The following PIP4K2A variants were observed in gnomAD, a reference collection of about 807,000 sequenced individuals.
PIP4K2A encodes phosphatidylinositol-5-phosphate 4-kinase type 2 alpha.
In PIP4K2A, 14 loss-of-function variants were observed where a neutral mutation model predicts 42.9. The ratio of observed to expected loss-of-function variants is 0.33; its 90% confidence interval spans 0.22 to 0.51. The LOEUF (loss-of-function observed/expected upper bound fraction) is 0.51, where lower values mean the gene tolerates loss of function less well. PIP4K2A is among the 20% of genes least tolerant of loss of function. PIP4K2A has a pLI of 0.97. For synonymous variants in PIP4K2A, 192 were observed against 192.2 expected (o/e 1.00, Z 0.01); for missense variants, 434 against 519.8 (o/e 0.83, Z 1.61).
chr10:22,609,497 G>C, intron 2 of PIP4K2A, 123 bp downstream of exon 2: 1 of 675,556 alleles, frequency 1.5e-6, no homozygotes, highest in Non-Finnish European at 2.7e-6. Flanking sequence ...GTTTATCACA[G>C]GATTAACTTC....
Position 22,535,814 on chromosome 10 carries a change from A to C in PIP4K2A, c.*1387T>G, listed in dbSNP as rs1014997923. Reference sequence around the variant, plus strand: ...CAATCAGCACAGTTTAGGGCAATGAACTTTCATAAACCAGACTGGGGCGAA... The same window carrying C: ...CAATCAGCACAGTTTAGGGCAATGACCTTTCATAAACCAGACTGGGGCGAA... On this transcript the variant is annotated 3_prime_UTR_variant, in exon 10 of 10. Transcript: ENST00000376573. 3.5e-6 allele frequency: 1 copy of C among 289,420 alleles called. No individual in the cohort carries two copies. Among genetic ancestry groups the C allele is most frequent in the African/African-American group, 2.1e-5 (1 of 46,764 alleles). 17.9% of individuals were successfully genotyped at this position (289,420 alleles called of 1,614,324 possible).
At position 22,569,273 on chromosome 10, in the gene PIP4K2A, G is replaced by A. The variant is rs561452838; in HGVS notation, c.640-1384C>T. ...CCCAGGACTGGAAGATCCGAGGGAC[G>A]CTGCTGCTGGCCCAGGGAAAATGTT... On this transcript the variant is annotated intron_variant, in intron 5 of 9. Transcript: ENST00000376573. 4.6e-5 allele frequency among the ~76,000 whole-genome samples: 7 copies of A among 152,310 alleles called. No individual in the cohort carries two copies. In the South Asian group the frequency reaches 6.2e-4, roughly 14 times the overall value.
intron 1 of PIP4K2A, among the ~76,000 whole-genome samples, chr10:22,664,183 A>G (rs1490933207): frequency 6.7e-5 from 5 of 74,182 alleles, no homozygotes; most frequent in South Asian, 6.3e-4. Context: ...ATATATATAC[A>G]TATATATACA....
At chr10:22,612,855 A>G (rs1456861337) in intron 1 of PIP4K2A, among the ~76,000 whole-genome samples, 1 of 152,124 alleles carries the variant, frequency 6.6e-6, no homozygotes, top group Non-Finnish European at 1.5e-5. Flanking sequence ...GGTGGGTCTG[A>G]AGTTCCCAGG....
At chr10:22,578,761 T>C (rs974117338) in intron 4 of PIP4K2A, among the ~76,000 whole-genome samples, 14 of 152,236 alleles carry the variant, frequency 9.2e-5, no homozygotes, top group Admixed American at 8.5e-4. Flanking sequence ...TACAGCTTCC[T>C]GCCAAATGTA....
chr10:22,609,564 A>C (rs1041909872), intron 2 of PIP4K2A, 56 bp downstream of exon 2: 13 of 972,906 alleles, frequency 1.3e-5, no homozygotes, highest in East Asian at 4.8e-5. Flanking sequence ...AAAATTCACA[A>C]AACTTGTACT....
At chr10:22,554,360 T>C (rs981781926) in intron 6 of PIP4K2A, among the ~76,000 whole-genome samples, 3 of 152,228 alleles carry the variant, frequency 2.0e-5, no homozygotes, top group African/African-American at 7.2e-5. Flanking sequence ...CCTACAAAGA[T>C]GACGTCTGCA....
chr10:22,629,526 A>G (rs989595936), intron 1 of PIP4K2A, among the ~76,000 whole-genome samples: 2 of 152,250 alleles, frequency 1.3e-5, no homozygotes, highest in African/African-American at 4.8e-5. Context: ...ATCAAGAGTG[A>G]CTTTAAAGTA....
At chr10:22,606,402 C>G (rs1287294711) in intron 3 of PIP4K2A, among the ~76,000 whole-genome samples, 2 of 152,194 alleles carry the variant, frequency 1.3e-5, no homozygotes, top group Non-Finnish European at 2.9e-5. Flanking sequence ...TCCCACTAGC[C>G]AGCCCTCAGC....
intron 6 of PIP4K2A, among the ~76,000 whole-genome samples, chr10:22,553,162 C>A (rs1836453276): frequency 6.6e-6 from 1 of 152,192 alleles, no homozygotes; most frequent in African/African-American, 2.4e-5. Context: ...CAAAAAAGGG[C>A]ACCCAGATTG....
At chr10:22,653,142 C>T (rs1839027666) in intron 1 of PIP4K2A, among the ~76,000 whole-genome samples, 2 of 152,108 alleles carry the variant, frequency 1.3e-5, no homozygotes, top group African/African-American at 2.4e-5. Context: ...ATGAATCATA[C>T]TGTACACTAA....
intron 1 of PIP4K2A, among the ~76,000 whole-genome samples, chr10:22,631,027 G>A (rs1838535982): frequency 6.6e-6 from 1 of 152,142 alleles, no homozygotes; most frequent in Non-Finnish European, 1.5e-5. Context: ...CAGGAGCCAA[G>A]TCATGCACCC....
rs758019340 is a variant in PIP4K2A, at chr10:22,537,269, T to A, written c.1153A>T (p.Ile385Phe). 1.2e-6 allele frequency: 2 copies of A among 1,603,526 alleles called. No homozygotes were observed. Among genetic ancestry groups the A allele is most frequent in the Admixed American group, 3.4e-5 (2 of 59,250 alleles). ...KTVKHGAGAE[I>F]STVNPEQYSK... ...TACTGTTCTGGGTTCACGGTGGAGATCTCCGCGCCAGCCTGGGCAGTTTTT... is the reference window on the plus strand; with the variant it reads ...TACTGTTCTGGGTTCACGGTGGAGAACTCCGCGCCAGCCTGGGCAGTTTTT... Residue 385 changes from isoleucine to phenylalanine, a missense_variant, in exon 10 of 10, where the codon ATC (isoleucine) becomes TTC (phenylalanine). Coordinates refer to ENST00000376573, the MANE Select transcript of PIP4K2A (RefSeq NM_005028.5).
chr10:22,706,040 A>G (rs1434184934), intron 1 of PIP4K2A, among the ~76,000 whole-genome samples: 2 of 151,892 alleles, frequency 1.3e-5, no homozygotes, highest in Admixed American at 1.3e-4. Flanking sequence ...CTTATTTAAA[A>G]TCATTAGGTC....
intron 6 of PIP4K2A, among the ~76,000 whole-genome samples, chr10:22,562,058 C>G (rs890635792): frequency 6.6e-6 from 1 of 152,054 alleles, no homozygotes; most frequent in Non-Finnish European, 1.5e-5. Flanking sequence ...ATTTAGTAGA[C>G]TGTTTTGATA....
chr10:22,619,816 TTTAA>T (rs1838279635), intron 1 of PIP4K2A, among the ~76,000 whole-genome samples: 1 of 152,218 alleles, frequency 6.6e-6, no homozygotes, highest in Non-Finnish European at 1.5e-5. Context: ...CCAAGTATAT[TTTAA>T]TTAACATTTT....
intron 3 of PIP4K2A, among the ~76,000 whole-genome samples, chr10:22,597,012 G>A (rs1837650360): frequency 6.6e-6 from 1 of 152,230 alleles, no homozygotes; most frequent in Non-Finnish European, 1.5e-5. Context: ...AACCAAACCT[G>A]TCTTCAGGTT....
At chr10:22,537,874 G>GCT (rs1279912346) in intron 9 of PIP4K2A, among the ~76,000 whole-genome samples, 4 of 152,186 alleles carry the variant, frequency 2.6e-5, no homozygotes, top group Non-Finnish European at 5.9e-5. Context: ...AACACTGCTG[G>GCT]CTCCATCTTG....
At chr10:22,601,732 C>T (rs1837785211) in intron 3 of PIP4K2A, among the ~76,000 whole-genome samples, 1 of 152,244 alleles carries the variant, frequency 6.6e-6, no homozygotes, top group Non-Finnish European at 1.5e-5. Context: ...CAACCTCATT[C>T]AGAGTTGTGA....
Sources: gnomAD v4.1 joint callset for allele counts (sites outside exome capture counted in the v4.1 genomes callset) on GRCh38, gnomAD v4.1.1 for gene constraint, MANE v1.5 for transcripts, NCBI Gene and HGNC (gene_info 2026-07-23, HGNC 2026-07-21) for gene names.